The following WWTR1 variants were observed in gnomAD, a reference collection of about 807,000 sequenced individuals.
The protein encoded by WWTR1 is WW domain-containing transcription regulator protein 1.
Under a neutral mutation model 40.1 loss-of-function variants are expected in WWTR1, and 13 were observed. The observed-to-expected ratio is 0.32, with a 90% CI of 0.21 to 0.52. The LOEUF is 0.52. WWTR1 is among the 20% of genes least tolerant of loss of function. The pLI, the probability that WWTR1 is intolerant of heterozygous loss-of-function variation, is 0.97. For synonymous variants in WWTR1, 230 were observed against 210.1 expected, an observed-to-expected ratio of 1.09 and a Z score of -0.82; for missense variants, 436 against 523.1, an observed-to-expected ratio of 0.83 and a Z score of 1.63.
At chr3:149,705,795 T>C (rs1331717300), upstream of WWTR1, among the ~76,000 whole-genome samples, 2 of 152,352 alleles carry the variant, frequency 1.3e-5, no homozygotes, top group South Asian at 2.1e-4. Flanking sequence ...AATGAAGTTA[T>C]GCTAATTAAG....
At chr3:149,539,896 A>T (rs1443909571) in intron 4 of WWTR1, among the ~76,000 whole-genome samples, 1 of 152,110 alleles carries the variant, frequency 6.6e-6, no homozygotes, top group Non-Finnish European at 1.5e-5. Flanking sequence ...GAACACTCCA[A>T]TGCCATTTAT....
Position 149,657,201 on chromosome 3 carries a change from T to A in WWTR1, c.106A>T (p.Met36Leu), listed in dbSNP as rs766298507. The change falls in exon 2 of 7, where the codon ATG becomes TTG. Residue 36 changes from methionine (M) to leucine (L), a missense_variant. By Grantham distance (15) the Met-to-Leu change is conservative. Transcript: ENST00000360632. ...CGCCACGAGCTAGGCTTCGGATTCA[T>A]GACAGAGTTGAAGAGGGCTTCGAGG... ...TDLEALFNSV[M>L]NPKPSSWRKK... is the part of the protein sequence containing the mutation. The A allele has an allele frequency of 4.3e-6, 7 of 1,612,080 alleles. No homozygotes were observed. The highest frequency in any genetic ancestry group is 5.9e-6 in the Non-Finnish European group (7 of 1,179,364).
chr3:149,635,806 A>G (rs1711789911), intron 2 of WWTR1, among the ~76,000 whole-genome samples: 1 of 152,224 alleles, frequency 6.6e-6, no homozygotes, highest in South Asian at 2.1e-4. Context: ...TAAAGCAAGA[A>G]TGCATTTATT....
At position 149,548,233 on chromosome 3, in the gene WWTR1, G is replaced by C. The variant is rs146274847; in HGVS notation, c.569-5696C>G. Among the ~76,000 whole-genome samples the C allele has an allele frequency of 4.6e-5, 7 of 152,278 alleles. No homozygotes were observed. The East Asian group carries it at 1.4e-3, about 29-fold the overall frequency. On this transcript the variant is annotated intron_variant, in intron 3 of 6. Coordinates refer to ENST00000360632, the MANE Select transcript of WWTR1 (RefSeq NM_015472.6). The stretch of plus-strand genomic sequence containing the variant: ...TATATAAGAAGCAAACATGGAAAAG[G>C]TAAAGGCTTCAATCCTGAACTTTTG...
intron 4 of WWTR1, among the ~76,000 whole-genome samples, chr3:149,723,029 T>G (rs1715790779): frequency 6.6e-6 from 1 of 151,938 alleles, no homozygotes; most frequent in Non-Finnish European, 1.5e-5. Context: ...GGACAATTTC[T>G]TGTTATTTTT....
intron 2 of WWTR1, among the ~76,000 whole-genome samples, chr3:149,580,874 A>C (rs944196526): frequency 2.0e-5 from 3 of 152,098 alleles, no homozygotes; most frequent in Admixed American, 1.3e-4. Context: ...AGGCTCCCAA[A>C]GTGCTGGGAT....
chr3:149,610,691 T>G (rs1368164643), intron 2 of WWTR1, among the ~76,000 whole-genome samples: 1 of 152,164 alleles, frequency 6.6e-6, no homozygotes, highest in Admixed American at 6.5e-5. Context: ...CTGGAAGAGC[T>G]CAGCCATCCA....
chr3:149,686,610 T>C (rs1714665521), intron 1 of WWTR1, among the ~76,000 whole-genome samples: 1 of 152,178 alleles, frequency 6.6e-6, no homozygotes, highest in Non-Finnish European at 1.5e-5. Flanking sequence ...CTATGTCTCA[T>C]TGACTACACT....
rs201532396 is a variant in WWTR1 at position 149,526,069 on chromosome 3, T to C, written c.962A>G (p.Tyr321Cys). Residue 321 changes from tyrosine to cysteine, a missense_variant, in exon 6 of 7, where the codon TAC (tyrosine) becomes TGC (cysteine). Coordinates refer to ENST00000360632, the MANE Select transcript of WWTR1 (RefSeq NM_015472.6). ...STDSGLGLGC[Y>C]SVPTTPEDFL... ...GTCCTCCGGAGTTGTGGGGACACTG[T>C]AGCACCCTAACCCCAGGCCACTGTC... 3.8e-5 allele frequency: 62 copies of C among 1,612,302 alleles called. No homozygotes were observed. The highest frequency in any genetic ancestry group is 5.3e-5 in the Non-Finnish European group (62 of 1,179,086).
chr3:149,713,896 G>A (rs1715534621), intron 5 of WWTR1, among the ~76,000 whole-genome samples: 1 of 152,180 alleles, frequency 6.6e-6, no homozygotes, highest in South Asian at 2.1e-4. Flanking sequence ...CTTGATCCCA[G>A]GCCCAGAGCC....
intron 1 of WWTR1, among the ~76,000 whole-genome samples, chr3:149,681,809 T>C (rs1714465443): frequency 1.3e-5 from 2 of 152,068 alleles, no homozygotes; most frequent in South Asian, 4.1e-4. Context: ...CTAAGTAAAA[T>C]AAGCCAGCCA....
At chr3:149,575,614 C>T (rs903031866) in intron 2 of WWTR1, among the ~76,000 whole-genome samples, 3 of 152,156 alleles carry the variant, frequency 2.0e-5, no homozygotes, top group Admixed American at 6.6e-5. Context: ...AGGACACTTC[C>T]GTGGTCAGAA....
chr3:149,594,501 A>T (rs1307176482), intron 2 of WWTR1, among the ~76,000 whole-genome samples: 1 of 152,218 alleles, frequency 6.6e-6, no homozygotes, highest in Non-Finnish European at 1.5e-5. Context: ...TCACAAAATC[A>T]TTTATGCTGT....
At chr3:149,676,418 A>G (rs1031819457) in intron 1 of WWTR1, among the ~76,000 whole-genome samples, 1 of 151,762 alleles carries the variant, frequency 6.6e-6, no homozygotes. Flanking sequence ...TTATTGAATC[A>G]GGGCAAAATC....
chr3:149,570,270 A>C (rs1737553249), intron 3 of WWTR1, among the ~76,000 whole-genome samples: 2 of 152,148 alleles, frequency 1.3e-5, no homozygotes, highest in African/African-American at 4.8e-5. Context: ...TCACTGCCTT[A>C]TTAGAAATCT....
rs144835005 is a variant in WWTR1 at position 149,696,514 on chromosome 3, G to A, written c.-108+6610C>T. Among the ~76,000 whole-genome samples, 723 of 152,260 alleles carry A rather than the reference G, an allele frequency of 4.7e-3. 4 individuals carry two copies. Among genetic ancestry groups the A allele is most frequent in the African/African-American group, 0.016 (682 of 41,548 alleles). On this transcript the variant is annotated intron_variant, in intron 1 of 7. Transcript: ENST00000465804. ...AATTAGAAAAGTGATATTTAAAAAG[G>A]TTATAACAATGCCCTGTACAATATC...
chr3:149,579,128 AT>A (rs1375063748), intron 2 of WWTR1, among the ~76,000 whole-genome samples: 5 of 152,192 alleles, frequency 3.3e-5, no homozygotes, highest in Non-Finnish European at 4.4e-5. Context: ...CATGTTGCTT[AT>A]TTCTATGGGC....
intron 2 of WWTR1, among the ~76,000 whole-genome samples, chr3:149,651,125 C>A (rs1180307925): frequency 6.6e-6 from 1 of 152,156 alleles, no homozygotes; most frequent in Non-Finnish European, 1.5e-5. Context: ...AGTTAGCAGA[C>A]AGTATTTTTT....
At chr3:149,621,817 T>C (rs1268600721) in intron 2 of WWTR1, among the ~76,000 whole-genome samples, 4 of 152,240 alleles carry the variant, frequency 2.6e-5, no homozygotes, top group Non-Finnish European at 1.5e-5. Flanking sequence ...ACATTAAACT[T>C]TGAATTTCTC....
Sources: allele counts gnomAD v4.1 joint callset (sites outside exome capture counted in the v4.1 genomes callset), GRCh38; gene constraint gnomAD v4.1.1; transcripts MANE v1.5; gene names NCBI Gene and HGNC (gene_info 2026-07-23, HGNC 2026-07-21).